Variants in SHANK2 observed in about 807,000 individuals in gnomAD.
The protein encoded by SHANK2 is SH3 and multiple ankyrin repeat domains 2, also known as SH3 and multiple ankyrin repeat domains protein 2.
A neutral mutation model predicts 133.7 loss-of-function variants in SHANK2; 43 were observed. That is an observed-to-expected ratio of 0.32 (90% CI 0.25 to 0.41). The LOEUF (loss-of-function observed/expected upper bound fraction) is 0.41, where lower values mean the gene tolerates loss of function less well. Among genes scored for constraint, SHANK2 ranks in the 10% least tolerant of loss-of-function variants. SHANK2 has a pLI of 1.00. For synonymous variants in SHANK2, 1,017 were observed against 952.8 expected (o/e 1.07, Z -1.24); for missense variants, 1,994 against 2,235.8 (o/e 0.89, Z 2.18).
chr11:70,597,004 G>C (rs1032073346), intron 17 of SHANK2, among the ~76,000 whole-genome samples: 1 of 151,866 alleles, frequency 6.6e-6, no homozygotes, highest in South Asian at 2.1e-4. Flanking sequence ...ACCGGTGCTC[G>C]GGGGTGACTG....
chr11:70,748,980 C>T (rs566811066), intron 14 of SHANK2, among the ~76,000 whole-genome samples: 3 of 144,176 alleles, frequency 2.1e-5, no homozygotes, highest in Non-Finnish European at 3.0e-5. Flanking sequence ...GAAACAATAA[C>T]GAATCCCCCC....
intron 17 of SHANK2, among the ~76,000 whole-genome samples, chr11:70,591,044 GA>G (rs1171420480): frequency 6.6e-6 from 1 of 152,166 alleles, no homozygotes; most frequent in Non-Finnish European, 1.5e-5. Context: ...AAATGGGTCA[GA>G]AAAAGGAAGG....
chr11:71,211,339 G>A (rs1555118871), intron 2 of SHANK2, among the ~76,000 whole-genome samples: 1 of 148,974 alleles, frequency 6.7e-6, no homozygotes, highest in Non-Finnish European at 1.5e-5. Context: ...AGGTGTTCAA[G>A]ACCAGCCCAG....
At position 70,487,341 on chromosome 11, in the gene SHANK2, C is replaced by T; in HGVS notation, c.2952G>A (p.Met984Ile). 1.2e-6 allele frequency: 2 copies of T among 1,614,198 alleles called. No homozygotes were observed. Among genetic ancestry groups the T allele is most frequent in the Non-Finnish European group, 1.7e-6 (2 of 1,180,046 alleles). ...QANFRNKRGQ[M>I]PENPYSEVGK... The stretch of plus-strand genomic sequence containing the variant: ...CCACCTCTGAGTATGGGTTTTCTGG[C>T]ATCTGGCCTCTCTTGTTGCGGAAGT... Residue 984 changes from methionine to isoleucine, a missense_variant, in exon 25 of 26, where the codon ATG becomes ATA. This residue lies in a region of SHANK2 where 488 missense variants were observed against 642.6 expected (regional missense o/e 0.76). Coordinates refer to ENST00000601538, the MANE Select transcript of SHANK2 (RefSeq NM_012309.5). The surrounding 1 kb of genome is among the most constrained non-coding windows in gnomAD (Gnocchi z 5.8).
At chr11:71,143,529 A>G (rs549856816) in intron 3 of SHANK2, among the ~76,000 whole-genome samples, 74 of 152,282 alleles carry the variant, frequency 4.9e-4, no homozygotes, top group African/African-American at 1.7e-3. Context: ...ACTGCAGCCC[A>G]TGGAATGTCA....
intron 14 of SHANK2, among the ~76,000 whole-genome samples, chr11:70,745,136 G>C (rs1946611226): frequency 6.6e-6 from 1 of 152,156 alleles, no homozygotes; most frequent in African/African-American, 2.4e-5. Context: ...TCCAACTCAG[G>C]GTCAACCAGA....
chr11:70,711,613 C>T (rs1182839927), intron 14 of SHANK2, among the ~76,000 whole-genome samples: 1 of 151,950 alleles, frequency 6.6e-6, no homozygotes, highest in African/African-American at 2.4e-5. Flanking sequence ...CTCAGGACTC[C>T]ACTCTTGGGG....
intron 12 of SHANK2, among the ~76,000 whole-genome samples, chr11:70,809,622 C>G (rs1435259919): frequency 6.6e-6 from 1 of 152,188 alleles, no homozygotes; most frequent in African/African-American, 2.4e-5. Context: ...CCCATGTCAA[C>G]GTGTTTGAGG....
At chr11:70,636,327 T>C (rs1369998496) in intron 17 of SHANK2, among the ~76,000 whole-genome samples, 2 of 151,764 alleles carry the variant, frequency 1.3e-5, no homozygotes. Context: ...GTGTGAATGT[T>C]AGCATGTGTG....
intron 2 of SHANK2, among the ~76,000 whole-genome samples, chr11:71,149,310 T>G (rs1565479998): frequency 6.6e-6 from 1 of 152,172 alleles, no homozygotes; most frequent in Non-Finnish European, 1.5e-5. Context: ...TAGACCCTTG[T>G]CAGCCCCGCC....
chr11:71,102,621 A>G (rs1489700468), intron 6 of SHANK2, among the ~76,000 whole-genome samples: 1 of 152,250 alleles, frequency 6.6e-6, no homozygotes, highest in Non-Finnish European at 1.5e-5. Flanking sequence ...GAACATGCCC[A>G]GGCTGCTGCC....
At chr11:70,522,571 C>T (rs914465711) in intron 17 of SHANK2, among the ~76,000 whole-genome samples, 3 of 152,236 alleles carry the variant, frequency 2.0e-5, no homozygotes, top group Admixed American at 1.3e-4. Context: ...CCCCCTCTAT[C>T]GTCTCTCATC....
At chr11:71,230,245 C>CCACT (rs1235640522) in intron 1 of SHANK2, among the ~76,000 whole-genome samples, 78 of 151,980 alleles carry the variant, frequency 5.1e-4, no homozygotes, top group African/African-American at 1.7e-3. Flanking sequence ...AGTTGAGATG[C>CCACT]CACTGCACTC....
At chr11:70,860,512 C>A (rs1271526225) in intron 11 of SHANK2, among the ~76,000 whole-genome samples, 5 of 152,118 alleles carry the variant, frequency 3.3e-5, no homozygotes, top group Non-Finnish European at 7.3e-5. Flanking sequence ...ATCTTCAATC[C>A]CGATGTGTGC....
chr11:70,790,531 T>C (rs1555047704), intron 14 of SHANK2, among the ~76,000 whole-genome samples: 2 of 152,128 alleles, frequency 1.3e-5, no homozygotes, highest in African/African-American at 2.4e-5. Flanking sequence ...AAGAGCAAAA[T>C]TGAGGTTTCT....
chr11:70,907,485 C>A, intron 10 of SHANK2: 1 of 167,910 alleles, frequency 6.0e-6, no homozygotes, highest in Non-Finnish European at 1.3e-5. Flanking sequence ...GCTCCTGAAA[C>A]TGAGAATAAG....
At position 70,871,886 on chromosome 11, in the gene SHANK2, CA is replaced by C. The variant is rs1292096191; in HGVS notation, c.1174+24614del. 5.1e-4 allele frequency among the ~76,000 whole-genome samples: 78 copies of C among 152,252 alleles called. 1 individual carries two copies. The highest frequency in any genetic ancestry group is 1.7e-3 in the South Asian group (8 of 4,814). On this transcript the variant is annotated intron_variant, in intron 11 of 25. Transcript: ENST00000601538. ...TTAAGGCAAGACGCATCCCATCCTC[CA>C]TAACAACACCGTCTTGAAAGAAGCC... is the stretch of plus-strand genomic sequence containing the variant.
chr11:70,695,770 T>C (rs544041115), intron 15 of SHANK2, among the ~76,000 whole-genome samples: 35 of 152,204 alleles, frequency 2.3e-4, no homozygotes, highest in Non-Finnish European at 4.3e-4. Flanking sequence ...CTGTGCTCCA[T>C]GCAGGGTGGG....
At chr11:70,671,417 A>G (rs1355035570) in intron 15 of SHANK2, among the ~76,000 whole-genome samples, 1 of 152,206 alleles carries the variant, frequency 6.6e-6, no homozygotes, top group African/African-American at 2.4e-5. Flanking sequence ...CTTGACGACT[A>G]CAGATGTCAA....
Sources: gnomAD v4.1 joint callset for allele counts (sites outside exome capture counted in the v4.1 genomes callset) on GRCh38, gnomAD v4.1.1 for gene constraint, gnomAD v4.1.1 regional missense constraint, Gnocchi (gnomAD v3.1) non-coding constraint, MANE v1.5 for transcripts, NCBI Gene and HGNC (gene_info 2026-07-23, HGNC 2026-07-21) for gene names.